Variants in MARCHF4 observed in about 807,000 individuals in gnomAD.
The protein encoded by MARCHF4 is membrane associated ring-CH-type finger 4.
Under a neutral mutation model 43.9 loss-of-function variants are expected in MARCHF4, and 14 were observed. The ratio of observed to expected loss-of-function variants is 0.32; its 90% confidence interval spans 0.21 to 0.50. The LOEUF is 0.50. MARCHF4 is among the 20% of genes least tolerant of loss of function. The pLI, the probability that MARCHF4 is intolerant of heterozygous loss-of-function variation, is 0.98. For synonymous variants in MARCHF4, 226 were observed against 213.3 expected (o/e 1.06, Z -0.52); for missense variants, 468 against 536.7 (o/e 0.87, Z 1.27).
intron 1 of MARCHF4, among the ~76,000 whole-genome samples, chr2:216,313,380 A>G (rs763381174): frequency 1.3e-5 from 2 of 152,216 alleles, no homozygotes; most frequent in Non-Finnish European, 2.9e-5. Context: ...TAGTTCATTA[A>G]AACAGGTTTT....
At chr2:216,345,288 A>C (rs533903603) in intron 1 of MARCHF4, among the ~76,000 whole-genome samples, 1 of 152,014 alleles carries the variant, frequency 6.6e-6, no homozygotes, top group Non-Finnish European at 1.5e-5. Context: ...GCAAGGGTTC[A>C]GGGGATGTTG....
chr2:216,333,685 T>C (rs562637350), intron 1 of MARCHF4, among the ~76,000 whole-genome samples: 13 of 152,286 alleles, frequency 8.5e-5, no homozygotes, highest in African/African-American at 2.6e-4. Context: ...TAAAATAATC[T>C]CTTTTGAGCC....
chr2:216,339,620 A>G (rs900987285), intron 1 of MARCHF4, among the ~76,000 whole-genome samples: 1 of 152,172 alleles, frequency 6.6e-6, no homozygotes, highest in Non-Finnish European at 1.5e-5. Context: ...GCAAGAGTGA[A>G]AGTGGCATTA....
intron 3 of MARCHF4, among the ~76,000 whole-genome samples, chr2:216,272,501 C>G (rs533880412): frequency 6.6e-6 from 1 of 152,276 alleles, no homozygotes; most frequent in East Asian, 1.9e-4. Flanking sequence ...TGCAATTTTA[C>G]AGAGCAATCA....
chr2:216,340,143 C>T (rs1692214602), intron 1 of MARCHF4, among the ~76,000 whole-genome samples: 1 of 152,160 alleles, frequency 6.6e-6, no homozygotes, highest in African/African-American at 2.4e-5. Flanking sequence ...GGTGGGGCTG[C>T]TGTTCAGACC....
intron 1 of MARCHF4, among the ~76,000 whole-genome samples, chr2:216,296,773 T>G (rs943812789): frequency 2.6e-5 from 4 of 152,196 alleles, no homozygotes; most frequent in African/African-American, 9.6e-5. Context: ...TTCTTCATTA[T>G]CAGCTTCATC....
intron 1 of MARCHF4, among the ~76,000 whole-genome samples, chr2:216,332,249 G>A (rs904447477): frequency 2.7e-4 from 41 of 151,744 alleles, no homozygotes; most frequent in Admixed American, 3.3e-4. Flanking sequence ...AGAATTAGCC[G>A]GGCATGGTGG....
intron 1 of MARCHF4, among the ~76,000 whole-genome samples, chr2:216,357,022 C>CA (rs374187959): frequency 2.2e-3 from 291 of 133,338 alleles, no homozygotes; most frequent in East Asian, 0.012. Flanking sequence ...GACTCTGTCT[C>CA]AAAAAAAAAA....
At chr2:216,270,081 A>AT (rs143705045) in intron 3 of MARCHF4, among the ~76,000 whole-genome samples, 59,319 of 148,582 alleles carry the variant, frequency 0.4, 12,791 homozygotes, top group Non-Finnish European at 0.52. Context: ...TCCACCAGAA[A>AT]TTTTTTTTTT....
intron 1 of MARCHF4, among the ~76,000 whole-genome samples, chr2:216,319,245 T>A (rs907566124): frequency 9.2e-5 from 14 of 152,238 alleles, no homozygotes; most frequent in Admixed American, 7.9e-4. Flanking sequence ...GAAGCAGAGA[T>A]TGCAGTGAGC....
At chr2:216,276,792 T>C (rs1284994852) in intron 3 of MARCHF4, among the ~76,000 whole-genome samples, 2 of 152,048 alleles carry the variant, frequency 1.3e-5, no homozygotes, top group Non-Finnish European at 2.9e-5. Flanking sequence ...GACCAGCGCT[T>C]CCCCACCTCC....
At chr2:216,359,785 A>G (rs1221240096) in intron 1 of MARCHF4, among the ~76,000 whole-genome samples, 2 of 152,248 alleles carry the variant, frequency 1.3e-5, no homozygotes, top group African/African-American at 2.4e-5. Flanking sequence ...GTACCCTTAA[A>G]GCAAGAAACC....
At chr2:216,279,442 A>T (rs1691088525) in intron 2 of MARCHF4, among the ~76,000 whole-genome samples, 1 of 152,228 alleles carries the variant, frequency 6.6e-6, no homozygotes, top group African/African-American at 2.4e-5. Flanking sequence ...GGTTTTAAGC[A>T]GAGGACTGAC....
rs141435852 is a variant in MARCHF4, at chr2:216,348,524, C to T, written c.516+21221G>A. 5.8e-4 allele frequency among the ~76,000 whole-genome samples: 89 copies of T among 152,270 alleles called. No individual in the cohort carries two copies. In the South Asian group the frequency reaches 0.015, roughly 26 times the overall value. ...CTCCTACCAGTGCCATGACAGTTTA[C>T]GGATGCCATGTGATGTCAGGAAGTC... On this transcript the variant is annotated intron_variant, in intron 1 of 3. Transcript: ENST00000273067.
intron 1 of MARCHF4, among the ~76,000 whole-genome samples, chr2:216,368,791 C>T (rs1407852375): frequency 6.6e-6 from 1 of 152,208 alleles, no homozygotes; most frequent in Non-Finnish European, 1.5e-5. Flanking sequence ...GCCTTTCTAT[C>T]TGTGATTCTT....
chr2:216,317,371 G>A (rs1380903726), intron 1 of MARCHF4, among the ~76,000 whole-genome samples: 1 of 152,148 alleles, frequency 6.6e-6, no homozygotes, highest in African/African-American at 2.4e-5. Context: ...CCTCCCATGA[G>A]GAGCCAATTT....
intron 2 of MARCHF4, 123 bp downstream of exon 2, chr2:216,283,451 C>T: frequency 8.0e-7 from 1 of 1,250,364 alleles, no homozygotes; most frequent in South Asian, 1.7e-5. Context: ...GCTTGCCCAC[C>T]CAGCCCATCT....
Position 216,320,659 on chromosome 2 carries a change from CTTTCTTTCTTTCTTTCT to C in MARCHF4, c.517-36947_517-36931del, listed in dbSNP as rs1451592186. On this transcript the variant is annotated intron_variant, in intron 1 of 3. Coordinates refer to ENST00000273067, the MANE Select transcript of MARCHF4 (RefSeq NM_020814.3). ...TCTTTCTTTCTTTCTTTCTTTCTTT[CTTTCTTTCTTTCTTTCT>C]TTTTTTTTTTTTGAGATGGAGTCCC... 5.1e-4 allele frequency among the ~76,000 whole-genome samples: 54 copies of C among 105,140 alleles called. 2 individuals carry two copies. Among genetic ancestry groups the C allele is most frequent in the African/African-American group, 1.9e-3 (43 of 23,026 alleles). The allele number at this position is 105,140 out of a possible 152,430, so 69.0% of individuals were successfully genotyped here. A position where few individuals can be genotyped will look rare whatever the true frequency, so the allele number is the denominator to read the frequency against.
intron 1 of MARCHF4, among the ~76,000 whole-genome samples, chr2:216,294,206 G>C (rs923926120): frequency 3.3e-5 from 5 of 152,212 alleles, no homozygotes; most frequent in African/African-American, 9.6e-5. Context: ...CAAGGCAAAG[G>C]CACAGGCCCC....
Sources: allele counts gnomAD v4.1 joint callset (sites outside exome capture counted in the v4.1 genomes callset), GRCh38; gene constraint gnomAD v4.1.1; transcripts MANE v1.5; gene names NCBI Gene and HGNC (gene_info 2026-07-23, HGNC 2026-07-21).